The following PLXNB2 variants were observed in gnomAD, a reference collection of about 807,000 sequenced individuals.
PLXNB2 encodes plexin-B2.
PLXNB2 carries 85 observed loss-of-function variants against 202.6 expected under a neutral mutation model. The observed-to-expected ratio is 0.42, with a 90% CI of 0.35 to 0.50. PLXNB2 has a LOEUF of 0.50. Among genes scored for constraint, PLXNB2 ranks in the 20% least tolerant of loss-of-function variants. PLXNB2 has a pLI of 0.02. For synonymous variants in PLXNB2, 1,239 were observed against 1,137.6 expected (o/e 1.09, Z -1.79); for missense variants, 2,063 against 2,586.2 (o/e 0.80, Z 4.39).
intron 27 of PLXNB2, 130 bp downstream of exon 27, chr22:50,279,500 G>T: frequency 7.8e-6 from 7 of 896,990 alleles, no homozygotes; most frequent in Non-Finnish European, 1.2e-5. Flanking sequence ...AGTTAGAGCA[G>T]GCTGTAACTC....
Position 50,283,041 on chromosome 22 carries a change from G to C in PLXNB2, c.2816+9C>G. 6.2e-6 allele frequency: 10 copies of C among 1,603,466 alleles called. No homozygotes were observed. The highest frequency in any genetic ancestry group is 8.5e-6 in the Non-Finnish European group (10 of 1,174,932). On this transcript the variant is annotated intron_variant, in intron 17 of 36. Transcript: ENST00000359337. ...CCAACCAGACTCAGCAGCTGGCGGT[G>C]ACACCCACACTTTACACGGGACGCC...
Position 50,275,756 on chromosome 22 carries a change from A to T in PLXNB2, c.5465T>A (p.Phe1822Tyr), listed in dbSNP as rs1420220256. Residue 1822 changes from phenylalanine (F) to tyrosine (Y), a missense_variant, in exon 37 of 37, where the codon TTC becomes TAC. Physicochemically the swap from Phe to Tyr is conservative, Grantham distance 22 (BLOSUM62 3). Transcript: ENST00000359337. ...TGCAGCGGCAATCTGCTGCAGGCGGAAGGCCAGCTGCATCTTCTGGGCGGC... is the reference window on the plus strand; with the variant it reads ...TGCAGCGGCAATCTGCTGCAGGCGGTAGGCCAGCTGCATCTTCTGGGCGGC... ...DPAAQKMQLA[F>Y]RLQQIAAALE... The T allele has an allele frequency of 1.2e-6, 2 of 1,612,026 alleles. No homozygotes were observed. Among genetic ancestry groups the T allele is most frequent in the South Asian group, 2.2e-5 (2 of 91,066 alleles).
In PLXNB2 at chr22:50,286,165, A is replaced by G; in HGVS notation, c.1877+8T>C. 2 of 1,611,548 alleles carry G rather than the reference A, an allele frequency of 1.2e-6. No individual in the cohort carries two copies. The highest frequency in any genetic ancestry group is 8.5e-7 in the Non-Finnish European group (1 of 1,178,386). ...GCAGGGTGGGGTCGATGGGCACAAG[A>G]CACTCACGGCAGGTTCTCCTCCAGG... On this transcript the variant is annotated splice_region_variant and intron_variant, in intron 9 of 36. Coordinates refer to ENST00000359337, the MANE Select transcript of PLXNB2 (RefSeq NM_012401.4).
At chr22:50,287,902 G>GC (rs766095655) in intron 6 of PLXNB2, 35 bp downstream of exon 6, 2 of 1,580,990 alleles carry the variant, frequency 1.3e-6, no homozygotes, top group Admixed American at 3.6e-5. Flanking sequence ...GATCCCAGAG[G>GC]CAGGCCGTGT....
chr22:50,286,389 C>T (rs1356185095), intron 8 of PLXNB2, 102 bp from the exon 9 acceptor site: 3 of 782,056 alleles, frequency 3.8e-6, no homozygotes, highest in Non-Finnish European at 6.5e-6. Context: ...GTGGAGACCC[C>T]TGGTCTTCAG....
Position 50,280,724 on chromosome 22 carries a change from C to T in PLXNB2, c.3993+20G>A. On this transcript the variant is annotated intron_variant, in intron 24 of 36. Transcript: ENST00000359337. ...CGGCGCCACCTGTGTGCCCTCCCGC[C>T]CGCCCGACGCCTGGCTCACATTGAT... 6.4e-7 allele frequency: 1 copy of T among 1,569,158 alleles called. No individual in the cohort carries two copies. The highest frequency in any genetic ancestry group is 8.7e-7 in the Non-Finnish European group (1 of 1,156,058).
chr22:50,298,076 C>T (rs1222665064), intron 1 of PLXNB2, among the ~76,000 whole-genome samples: 1 of 152,248 alleles, frequency 6.6e-6, no homozygotes, highest in Non-Finnish European at 1.5e-5. Flanking sequence ...TGCCCCGCCG[C>T]CCTGCCCCAA....
At chr22:50,293,922 G>T (rs1351074569) in intron 2 of PLXNB2, among the ~76,000 whole-genome samples, 1 of 152,236 alleles carries the variant, frequency 6.6e-6, no homozygotes, top group Non-Finnish European at 1.5e-5. Flanking sequence ...GACTCCCAGG[G>T]TCCTACAGGC....
rs368949289 is a variant in PLXNB2 at position 50,294,985 on chromosome 22, C to T, written c.-73-207G>A. The stretch of plus-strand genomic sequence containing the variant: ...CTCCCCTCTGTCAGGGGCTTTCTGC[C>T]TGTTTAAACTAGGTATGGCTATTAC... On this transcript the variant is annotated intron_variant, in intron 1 of 36. Transcript: ENST00000359337. Among the ~76,000 whole-genome samples the T allele has an allele frequency of 1.1e-4, 17 of 152,310 alleles. No homozygotes were observed. The East Asian group carries it at 1.9e-3, about 17-fold the overall frequency.
Position 50,290,489 on chromosome 22 carries a change from T to G in PLXNB2, c.96A>C (p.Lys32Asn). The G allele has an allele frequency of 6.2e-7, 1 of 1,612,832 alleles. No individual in the cohort carries two copies. Among genetic ancestry groups the G allele is most frequent in the South Asian group, 1.1e-5 (1 of 91,084 alleles). The change falls in exon 3 of 37, where the codon AAA becomes AAC. Residue 32 changes from lysine to asparagine, a missense_variant. By Grantham distance (94) the Lys-to-Asn change is moderately conservative. Coordinates refer to ENST00000359337, the MANE Select transcript of PLXNB2 (RefSeq NM_012401.4). ...PRKLDFFRSEKELNHLAVDEA... is the reference protein window; with the variant it reads ...PRKLDFFRSENELNHLAVDEA... ...CATCCACAGCCAGGTGGTTCAGCTC[T>G]TTCTCGCTGCGGAAGAAGTCCAGCT...
chr22:50,276,137 G>A (rs554298985), intron 35 of PLXNB2, among the ~76,000 whole-genome samples, 174 bp from the exon 36 acceptor site: 3 of 152,252 alleles, frequency 2.0e-5, no homozygotes, highest in East Asian at 3.9e-4. Context: ...CACCCACGCA[G>A]GCAGAGTTGT....
intron 1 of PLXNB2, among the ~76,000 whole-genome samples, chr22:50,304,487 C>T (rs950856883): frequency 2.6e-4 from 39 of 152,172 alleles, no homozygotes; most frequent in African/African-American, 8.9e-4. Flanking sequence ...GGGTCCTTCC[C>T]TGGTAGGCAG....
chr22:50,287,937 C>G lies in PLXNB2; in HGVS notation c.1481G>C (p.Arg494Pro). 1 of 1,584,552 alleles carries G rather than the reference C, an allele frequency of 6.3e-7. No homozygotes were observed. Among genetic ancestry groups the G allele is most frequent in the Non-Finnish European group, 8.6e-7 (1 of 1,166,748 alleles). ...PYCGWCVVEG[R>P]CTRKAECPRA... ...TCCCCGAGCCACCCCAGGCACTCAC[C>G]GTCCCTCGACGACGCACCAGCCGCA... Residue 494 changes from arginine (R) to proline (P), a missense_variant and splice_region_variant, in exon 6 of 37, where the codon CGA becomes CCA. Arg to Pro is a moderately radical substitution (Grantham distance 103, BLOSUM62 -2). Coordinates refer to ENST00000359337, the MANE Select transcript of PLXNB2 (RefSeq NM_012401.4).
chr22:50,287,475 C>T (rs1259380513), intron 7 of PLXNB2, among the ~76,000 whole-genome samples, 192 bp downstream of exon 7: 1 of 152,160 alleles, frequency 6.6e-6, no homozygotes, highest in African/African-American at 2.4e-5. Context: ...AAGCCCCACC[C>T]CTGCCCGCCC....
intron 2 of PLXNB2, 43 bp from the exon 3 acceptor site, chr22:50,290,640 A>G (rs1161366558): frequency 1.9e-5 from 28 of 1,483,796 alleles, no homozygotes; most frequent in Non-Finnish European, 2.3e-5. Flanking sequence ...GACCCAGAGG[A>G]CCCCCGATCA....
intron 7 of PLXNB2, 25 bp downstream of exon 7, chr22:50,287,642 C>A: frequency 2.0e-6 from 3 of 1,528,296 alleles, no homozygotes; most frequent in Non-Finnish European, 2.6e-6. Flanking sequence ...GGGCCCAGGA[C>A]CCCCACCCCA....
chr22:50,307,586 G>A lies in PLXNB2; in HGVS notation c.-107C>T, dbSNP rs1317914525. 1 of 981,530 alleles carries A rather than the reference G, an allele frequency of 1.0e-6. No homozygotes were observed. Among genetic ancestry groups the A allele is most frequent in the East Asian group, 1.2e-4 (1 of 8,512 alleles). 60.8% of individuals were successfully genotyped at this position (981,530 alleles called of 1,614,324 possible). On this transcript the variant is annotated 5_prime_UTR_variant, in exon 1 of 37. Transcript: ENST00000359337. Reference sequence around the variant, plus strand: ...CCGCCGCCAAGGCTCGATGGCGCCCGGGCCGCGCTCGGCGCTGCGCTCTGG... The same window carrying A: ...CCGCCGCCAAGGCTCGATGGCGCCCAGGCCGCGCTCGGCGCTGCGCTCTGG...
In PLXNB2 at chr22:50,289,116, G is replaced by A. The variant is rs2066683550; in HGVS notation, c.1095C>T (p.Gly365=). ...APGSSKSFPC[G]SEHLPYPLGS... is the part of the protein sequence containing the mutation. ...CCAGCGGGTAGGGCAGGTGCTCCGAGCCACATGGGAAGCTCTTGCTGGAGC... is the reference window on the plus strand; with the variant it reads ...CCAGCGGGTAGGGCAGGTGCTCCGAACCACATGGGAAGCTCTTGCTGGAGC... Residue 365 remains glycine, a synonymous_variant, in exon 4 of 37, where the codon GGC becomes GGT. Transcript: ENST00000359337. This position sits in a 1 kb window ranked among gnomAD's most constrained non-coding sequence, Gnocchi z 8.0. 6.3e-7 allele frequency: 1 copy of A among 1,583,736 alleles called. No individual in the cohort carries two copies. The highest frequency in any genetic ancestry group is 1.3e-5 in the African/African-American group (1 of 74,586).
chr22:50,275,937 G>T lies in PLXNB2; in HGVS notation c.5364C>A (p.Leu1788=), dbSNP rs766637848. The change falls in exon 36 of 37, where the codon CTC becomes CTA. Residue 1788 remains leucine, a synonymous_variant. Coordinates refer to ENST00000359337, the MANE Select transcript of PLXNB2 (RefSeq NM_012401.4). ...ATTGGTAGAGCTGGTGGAGTGCCAC[G>T]AGGGTGTTCAAGGAGTCCGTGTGCG... ...SRAHTDSLNT[L]VALHQLYQYT... is the part of the protein sequence containing the mutation. 1 of 1,612,642 alleles carries T rather than the reference G, an allele frequency of 6.2e-7. No individual in the cohort carries two copies. Among genetic ancestry groups the T allele is most frequent in the Non-Finnish European group, 8.5e-7 (1 of 1,179,860 alleles).
Sources: gnomAD v4.1 joint callset for allele counts (sites outside exome capture counted in the v4.1 genomes callset) on GRCh38, gnomAD v4.1.1 for gene constraint, Gnocchi (gnomAD v3.1) non-coding constraint, MANE v1.5 for transcripts, NCBI Gene and HGNC (gene_info 2026-07-23, HGNC 2026-07-21) for gene names.